The following THAP5 variants were observed in gnomAD, a reference collection of about 807,000 sequenced individuals.
THAP5 encodes THAP domain containing 5, also known as THAP domain-containing protein 5.
THAP5 carries 26 observed loss-of-function variants against 34.0 expected under a neutral mutation model. That is an observed-to-expected ratio of 0.77 (90% CI 0.56 to 1.06). The LOEUF is 1.06. THAP5 is among the 50% of genes least tolerant of loss of function. The pLI is 0.00. For synonymous variants in THAP5, 125 were observed against 153.0 expected, an observed-to-expected ratio of 0.82 and a Z score of 1.35; for missense variants, 394 against 452.8, an observed-to-expected ratio of 0.87 and a Z score of 1.18.
chr7:108,566,892 A>G (rs778002103), intron 1 of THAP5, among the ~76,000 whole-genome samples: 11 of 152,200 alleles, frequency 7.2e-5, no homozygotes, highest in Non-Finnish European at 1.5e-4. Context: ...TATACAAAAC[A>G]ATATTTGAAA....
At chr7:108,554,003 G>A (rs1305732089), downstream of THAP5, among the ~76,000 whole-genome samples, 1 of 152,162 alleles carries the variant, frequency 6.6e-6, no homozygotes, top group Non-Finnish European at 1.5e-5. Context: ...AGGGCAGAAT[G>A]AATGGATTAG....
chr7:108,561,342 T>C (rs560270482), downstream of THAP5, among the ~76,000 whole-genome samples: 58 of 151,886 alleles, frequency 3.8e-4, no homozygotes, highest in African/African-American at 1.4e-3. Flanking sequence ...CAGCCCATTG[T>C]AGGCTCTACC....
chr7:108,569,590 A>C lies in THAP5; in HGVS notation c.-21T>G. 6.4e-7 allele frequency: 1 copy of C among 1,550,574 alleles called. No individual in the cohort carries two copies. The highest frequency in any genetic ancestry group is 8.7e-7 in the Non-Finnish European group (1 of 1,147,008). On this transcript the variant is annotated 5_prime_UTR_variant, in exon 1 of 3. Coordinates refer to ENST00000415914, the MANE Select transcript of THAP5 (RefSeq NM_001130475.3). ...GGCATGACTCGGGTGAGGCCCCTGG[A>C]GACCGGGGCCGGCGACGGATGCAGG...
rs548713892 is a variant in THAP5 at position 108,569,343 on chromosome 7, C to T, written c.80+147G>A. 7.4e-6 allele frequency: 11 copies of T among 1,487,908 alleles called. No homozygotes were observed. In the South Asian group the frequency reaches 1.5e-4, roughly 20 times the overall value. The allele number at this position is 1,487,908 out of a possible 1,614,324, so 92.2% of individuals were successfully genotyped here. A position where few individuals can be genotyped will look rare whatever the true frequency, so the allele number is the denominator to read the frequency against. Reference sequence around the variant, plus strand: ...CATTGCTAGCTAAACTGAACTAGCGCCTTCCCTCCGTCTTGCCGCGGGCGA... The same window carrying T: ...CATTGCTAGCTAAACTGAACTAGCGTCTTCCCTCCGTCTTGCCGCGGGCGA... On this transcript the variant is annotated intron_variant, in intron 1 of 2. Transcript: ENST00000415914.
At chr7:108,549,815 C>T (rs1445202645), downstream of THAP5, among the ~76,000 whole-genome samples, 1 of 152,158 alleles carries the variant, frequency 6.6e-6, no homozygotes, top group African/African-American at 2.4e-5. Context: ...CTAATGATTT[C>T]CATCTTTGAA....
chr7:108,560,643 G>A (rs1341390964), downstream of THAP5, among the ~76,000 whole-genome samples: 1 of 152,244 alleles, frequency 6.6e-6, no homozygotes, highest in African/African-American at 2.4e-5. Flanking sequence ...GGCTGGGAGA[G>A]AGAGTTTGAA....
chr7:108,565,624 GTA>G (rs1790470003), intron 2 of THAP5: 1 of 413,650 alleles, frequency 2.4e-6, no homozygotes. Context: ...ACTTAATAAT[GTA>G]TATCTCTTGC....
chr7:108,555,829 A>C (rs1006075561), intron 1 of THAP5, among the ~76,000 whole-genome samples: 2 of 150,442 alleles, frequency 1.3e-5, no homozygotes, highest in African/African-American at 4.9e-5. Flanking sequence ...CAGGCTCCTG[A>C]GTAGTTGGGA....
chr7:108,563,502 C>T lies in THAP5; in HGVS notation c.*689G>A, dbSNP rs529802993. 1.1e-4 allele frequency: 14 copies of T among 131,244 alleles called. No individual in the cohort carries two copies. The highest frequency in any genetic ancestry group is 2.0e-4 in the Non-Finnish European group (13 of 64,998). The allele number at this position is 131,244 out of a possible 1,614,324, so 8.1% of individuals were successfully genotyped here. Reference sequence around the variant, plus strand: ...GCAGTGAGCCAAGATCAGGCCACTGCACTCCAGCCTGGGTTACAGAGTGAG... The same window carrying T: ...GCAGTGAGCCAAGATCAGGCCACTGTACTCCAGCCTGGGTTACAGAGTGAG... On this transcript the variant is annotated 3_prime_UTR_variant, in exon 3 of 3. Transcript: ENST00000415914.
At chr7:108,569,463 G>C (rs1226627761) in intron 1 of THAP5, 27 bp downstream of exon 1, 1 of 1,551,504 alleles carries the variant, frequency 6.4e-7, no homozygotes, top group African/African-American at 1.4e-5. Flanking sequence ...CGGCGAGGCT[G>C]ACGCTTCTGC....
At chr7:108,567,736 G>A (rs1790516423) in intron 1 of THAP5, among the ~76,000 whole-genome samples, 1 of 152,138 alleles carries the variant, frequency 6.6e-6, no homozygotes, top group African/African-American at 2.4e-5. Flanking sequence ...GTTAACATGA[G>A]CAAATTCAAT....
chr7:108,553,752 C>CT (rs1324585561), downstream of THAP5, among the ~76,000 whole-genome samples: 1 of 152,106 alleles, frequency 6.6e-6, no homozygotes, highest in African/African-American at 2.4e-5. Flanking sequence ...AGCTTCTGCC[C>CT]TAAAAACAAG....
At chr7:108,559,255 G>A (rs1035420344), downstream of THAP5, among the ~76,000 whole-genome samples, 3 of 152,204 alleles carry the variant, frequency 2.0e-5, no homozygotes, top group African/African-American at 7.2e-5. Flanking sequence ...GGAGCTAGAC[G>A]GAGTCAAAGA....
In THAP5 at chr7:108,562,239, A is replaced by G. The variant is rs982108352; in HGVS notation, c.*1952T>C. 1.3e-5 allele frequency: 2 copies of G among 152,028 alleles called. No individual in the cohort carries two copies. The highest frequency in any genetic ancestry group is 4.8e-5 in the African/African-American group (2 of 41,376). The allele number at this position is 152,028 out of a possible 1,614,324, so 9.4% of individuals were successfully genotyped here. ...ACAATGTACACTGTTGAAACTTAAC[A>G]TATCATTACTTTATTGTGACTCAAG... On this transcript the variant is annotated 3_prime_UTR_variant, in exon 3 of 3. Coordinates refer to ENST00000415914, the MANE Select transcript of THAP5 (RefSeq NM_001130475.3).
At position 108,565,996 on chromosome 7, in the gene THAP5, A is replaced by T; in HGVS notation, c.107T>A (p.Leu36Gln). Residue 36 changes from leucine (L) to glutamine (Q), a missense_variant, in exon 2 of 3, where the codon CTG (leucine) becomes CAG (glutamine). Physicochemically the swap from Leu to Gln is moderately radical, Grantham distance 113 (BLOSUM62 -2). Transcript: ENST00000415914. ...YPFPLHDKER[L>Q]EKWLKNMKRD... is the part of the protein sequence containing the mutation. ...CTTCATATTCTTTAACCACTTTTCC[A>T]GTCTTTCTTTGTCATGTAGAGGAAA... 6.5e-7 allele frequency: 1 copy of T among 1,535,922 alleles called. No individual in the cohort carries two copies. Among genetic ancestry groups the T allele is most frequent in the Non-Finnish European group, 8.8e-7 (1 of 1,142,444 alleles).
downstream of THAP5, among the ~76,000 whole-genome samples, chr7:108,552,171 A>G (rs533104770): frequency 2.9e-4 from 44 of 152,310 alleles, no homozygotes; most frequent in South Asian, 4.8e-3. Flanking sequence ...TCTTTAGAGA[A>G]TAAACTTCCA....
At chr7:108,542,981 C>T in the THAP5 span, among the ~76,000 whole-genome samples, 1 of 151,872 alleles carries the variant, frequency 6.6e-6, no homozygotes, top group South Asian at 2.1e-4. Flanking sequence ...GGCTGGAGTG[C>T]AGTGGCACGA....
chr7:108,563,576 TC>T lies in THAP5; in HGVS notation c.*614del, dbSNP rs1252263052. 2.7e-5 allele frequency: 4 copies of T among 149,810 alleles called. No homozygotes were observed. Among genetic ancestry groups the T allele is most frequent in the Non-Finnish European group, 5.9e-5 (4 of 67,678 alleles). The allele number at this position is 149,810 out of a possible 1,614,324, so 9.3% of individuals were successfully genotyped here. A position where few individuals can be genotyped will look rare whatever the true frequency, so the allele number is the denominator to read the frequency against. ...AAAAAAAAAAAAAAAAAGTTTATCTTCCTTTCTATTACAGATAATATAACTG... is the reference window on the plus strand; with the variant it reads ...AAAAAAAAAAAAAAAAAGTTTATCTTCTTTCTATTACAGATAATATAACTG... On this transcript the variant is annotated 3_prime_UTR_variant, in exon 3 of 3. Coordinates refer to ENST00000415914, the MANE Select transcript of THAP5 (RefSeq NM_001130475.3).
chr7:108,560,603 G>A (rs1464010122), downstream of THAP5, among the ~76,000 whole-genome samples: 2 of 152,198 alleles, frequency 1.3e-5, no homozygotes, highest in Non-Finnish European at 2.9e-5. Context: ...GAAACTTAGG[G>A]GCCTATTTGT....
Sources: gnomAD v4.1 joint callset for allele counts (sites outside exome capture counted in the v4.1 genomes callset) on GRCh38, gnomAD v4.1.1 for gene constraint, MANE v1.5 for transcripts, NCBI Gene and HGNC (gene_info 2026-07-23, HGNC 2026-07-21) for gene names.